The following DPYD variants were observed in gnomAD, a reference collection of about 807,000 sequenced individuals.
DPYD encodes dihydropyrimidine dehydrogenase [NADP(+)].
In DPYD, 109 loss-of-function variants were observed where a neutral mutation model predicts 116.2. The observed-to-expected ratio is 0.94, with a 90% CI of 0.80 to 1.10. The LOEUF is 1.10. Ranked by LOEUF, DPYD falls within the 50% of genes least tolerant of loss-of-function variation. The probability of loss-of-function intolerance (pLI) is 0.00; values close to 1 mark genes in which losing one functional copy is unlikely to be tolerated. For synonymous variants in DPYD, 440 were observed against 432.0 expected, an observed-to-expected ratio of 1.02 and a Z score of -0.23; for missense variants, 1,302 against 1,254.5, an observed-to-expected ratio of 1.04 and a Z score of -0.57.
intron 12 of DPYD, among the ~76,000 whole-genome samples, chr1:97,538,538 C>G (rs971512131): frequency 6.6e-5 from 10 of 152,114 alleles, no homozygotes; most frequent in African/African-American, 2.2e-4. Flanking sequence ...GAAGAAAATA[C>G]ACACAGAAAA....
rs193155770 is a variant in DPYD, at chr1:97,769,565, G to T, written c.234-29086C>A. On this transcript the variant is annotated intron_variant, in intron 3 of 22. Transcript: ENST00000370192. ...TAAACATTTTCAAAGAGTAGGACAA[G>T]ATCTCAGAACTAGCCCTCAAAATAT... is the stretch of plus-strand genomic sequence containing the variant. 8.5e-5 allele frequency among the ~76,000 whole-genome samples: 13 copies of T among 152,220 alleles called. No homozygotes were observed. The East Asian group carries it at 2.5e-3, about 29-fold the overall frequency.
At chr1:97,555,801 A>G (rs1651661396) in intron 11 of DPYD, among the ~76,000 whole-genome samples, 1 of 152,106 alleles carries the variant, frequency 6.6e-6, no homozygotes. Flanking sequence ...GGGCCCAAGA[A>G]TCCTCTCCTC....
chr1:97,913,176 A>G (rs940797222), intron 1 of DPYD, among the ~76,000 whole-genome samples: 1 of 152,154 alleles, frequency 6.6e-6, no homozygotes, highest in Non-Finnish European at 1.5e-5. Context: ...GGCGAAATTT[A>G]GATTTAGCTA....
At chr1:97,876,510 C>T (rs1037516070) in intron 2 of DPYD, among the ~76,000 whole-genome samples, 1 of 151,924 alleles carries the variant, frequency 6.6e-6, no homozygotes, top group African/African-American at 2.4e-5. Flanking sequence ...CTTTCCCATC[C>T]CAAATAGGAA....
In DPYD at chr1:97,691,759, T is replaced by A; in HGVS notation, c.720A>T (p.Val240=). Residue 240 remains valine, a synonymous_variant, in exon 7 of 23, where the codon GTA becomes GTT. Coordinates refer to ENST00000370192, the MANE Select transcript of DPYD (RefSeq NM_000110.4). ...TCATTAGCTCAATCTCAAAATTCAC[T>A]ACATCATACGGCAGCCGGAACTGAG... ...EIPQFRLPYD[V]VNFEIELMKD... 6.2e-7 allele frequency: 1 copy of A among 1,613,712 alleles called. No individual in the cohort carries two copies. Among genetic ancestry groups the A allele is most frequent in the Non-Finnish European group, 8.5e-7 (1 of 1,179,802 alleles).
chr1:97,883,201 T>A, intron 2 of DPYD, 63 bp downstream of exon 2: 5 of 1,059,744 alleles, frequency 4.7e-6, no homozygotes, highest in Non-Finnish European at 5.9e-6. Flanking sequence ...ATGTAAAATC[T>A]TGCCTTACAA....
chr1:97,696,388 G>C (rs979656093), intron 6 of DPYD, among the ~76,000 whole-genome samples: 1 of 152,118 alleles, frequency 6.6e-6, no homozygotes, highest in African/African-American at 2.4e-5. Context: ...GCTTAGAATA[G>C]AGAAAGAGGT....
chr1:97,637,778 C>T (rs1422087086), intron 8 of DPYD, among the ~76,000 whole-genome samples: 1 of 152,156 alleles, frequency 6.6e-6, no homozygotes, highest in Non-Finnish European at 1.5e-5. Context: ...CTTTACTATA[C>T]ATCTCTTTTC....
chr1:97,778,354 T>C (rs1394124301), intron 3 of DPYD, among the ~76,000 whole-genome samples: 2 of 151,962 alleles, frequency 1.3e-5, no homozygotes, highest in Non-Finnish European at 2.9e-5. Context: ...AACAGTCTTG[T>C]GTGGTAAACA....
rs190451936 is a variant in DPYD at position 97,733,304 on chromosome 1, C to T, written c.321+7088G>A. On this transcript the variant is annotated intron_variant, in intron 4 of 22. Transcript: ENST00000370192. ...TTAATATATTGTTTTTATTATAAAA[C>T]GTATGTTCATTATAAGAAGCAAAGT... 1.1e-4 allele frequency among the ~76,000 whole-genome samples: 16 copies of T among 151,868 alleles called. No individual in the cohort carries two copies. In the East Asian group the frequency reaches 2.1e-3, roughly 20 times the overall value.
At chr1:97,618,878 T>C (rs1656461470) in intron 8 of DPYD, among the ~76,000 whole-genome samples, 1 of 152,170 alleles carries the variant, frequency 6.6e-6, no homozygotes, top group African/African-American at 2.4e-5. Context: ...GCTCACCACA[T>C]AAAATCGAAG....
chr1:97,821,636 A>T (rs1267215892), intron 3 of DPYD, among the ~76,000 whole-genome samples: 3 of 152,136 alleles, frequency 2.0e-5, no homozygotes, highest in African/African-American at 7.2e-5. Context: ...GAAATGCTGT[A>T]TAAGATTTCC....
At chr1:97,581,776 A>C (rs1208303915) in intron 10 of DPYD, among the ~76,000 whole-genome samples, 1 of 150,926 alleles carries the variant, frequency 6.6e-6, no homozygotes, top group African/African-American at 2.4e-5. Flanking sequence ...AAGAAAGGAC[A>C]GCATGGAAAA....
chr1:97,455,410 A>G (rs1676626738), intron 13 of DPYD, among the ~76,000 whole-genome samples: 1 of 151,910 alleles, frequency 6.6e-6, no homozygotes, highest in South Asian at 2.1e-4. Flanking sequence ...TGTTTTAATT[A>G]TTTGGTTTTA....
intron 8 of DPYD, among the ~76,000 whole-genome samples, chr1:97,608,299 TAAA>T (rs1398295075): frequency 3.3e-5 from 5 of 152,038 alleles, no homozygotes; most frequent in Admixed American, 1.3e-4. Context: ...TTTGTTTGAT[TAAA>T]AACTACATTT....
chr1:97,386,060 G>C (rs1278517406), intron 14 of DPYD, among the ~76,000 whole-genome samples: 2 of 152,070 alleles, frequency 1.3e-5, no homozygotes, highest in Admixed American at 1.3e-4. Context: ...CTCTGACTGG[G>C]GAGGGGTGAC....
chr1:97,561,594 T>C (rs146580763), intron 11 of DPYD, among the ~76,000 whole-genome samples: 1 of 152,322 alleles, frequency 6.6e-6, no homozygotes, highest in East Asian at 1.9e-4. Context: ...ATGGTCCCTA[T>C]ATGTGTGTAG....
intron 16 of DPYD, among the ~76,000 whole-genome samples, chr1:97,312,674 T>C (rs1667587458): frequency 1.3e-5 from 2 of 151,848 alleles, no homozygotes. Flanking sequence ...TAATCCTGTT[T>C]TTAAAATATA....
chr1:97,488,377 C>T (rs1557747395), intron 13 of DPYD, among the ~76,000 whole-genome samples: 2 of 152,030 alleles, frequency 1.3e-5, no homozygotes, highest in Non-Finnish European at 2.9e-5. Flanking sequence ...GTGGTAAATA[C>T]ATGAACCTAC....
Sources: allele counts gnomAD v4.1 joint callset (sites outside exome capture counted in the v4.1 genomes callset), GRCh38; gene constraint gnomAD v4.1.1; transcripts MANE v1.5; gene names NCBI Gene and HGNC (gene_info 2026-07-23, HGNC 2026-07-21).